The following MCPH1 variants were observed in gnomAD, a reference collection of about 807,000 sequenced individuals.
The protein encoded by MCPH1 is microcephalin 1.
Under a neutral mutation model 84.5 loss-of-function variants are expected in MCPH1, and 104 were observed. The observed-to-expected ratio is 1.23, with a 90% confidence interval of 1.05 to 1.45. MCPH1 has a LOEUF of 1.45. Among genes scored for constraint, MCPH1 ranks in the 40% most tolerant of loss-of-function variants. The probability of loss-of-function intolerance (pLI) is 0.00; values close to 1 mark genes in which losing one functional copy is unlikely to be tolerated. For missense variants in MCPH1, 1,498 were observed against 1,005.7 expected (o/e 1.49, Z -6.62); for synonymous variants, 514 against 366.8 (o/e 1.40, Z -4.58).
intron 3 of MCPH1, among the ~76,000 whole-genome samples, chr8:6,415,435 C>T (rs545355490): frequency 1.3e-5 from 2 of 152,066 alleles, no homozygotes; most frequent in Admixed American, 1.3e-4. Flanking sequence ...TTCATCTCAA[C>T]CTTTGCCTCC....
At chr8:6,477,412 A>G in intron 9 of MCPH1, 182 bp from the exon 10 acceptor site, 11 of 554,116 alleles carry the variant, frequency 2.0e-5, no homozygotes, top group Non-Finnish European at 2.2e-5. Flanking sequence ...ACAGTATCTG[A>G]GTTTCTATCT....
At chr8:6,511,898 TC>T (rs1250050007) in intron 12 of MCPH1, among the ~76,000 whole-genome samples, 3 of 120,370 alleles carry the variant, frequency 2.5e-5, no homozygotes, top group Admixed American at 7.8e-5. Context: ...TTTTTGTGCT[TC>T]TTTTTTTTTT....
At chr8:6,535,449 T>A (rs1164095315) in intron 12 of MCPH1, among the ~76,000 whole-genome samples, 2 of 152,244 alleles carry the variant, frequency 1.3e-5, no homozygotes, top group Non-Finnish European at 2.9e-5. Context: ...CTTTTTAAAT[T>A]GCTACTTTTT....
chr8:6,544,892 G>C (rs1448727719), intron 12 of MCPH1, among the ~76,000 whole-genome samples: 1 of 149,656 alleles, frequency 6.7e-6, no homozygotes, highest in Non-Finnish European at 1.5e-5. Context: ...GCTAACATCA[G>C]ATTCTTTGGT....
At chr8:6,543,420 G>A (rs1317109931) in intron 12 of MCPH1, among the ~76,000 whole-genome samples, 2 of 152,126 alleles carry the variant, frequency 1.3e-5, no homozygotes, top group Non-Finnish European at 2.9e-5. Flanking sequence ...GTAAATGGAT[G>A]CAAACACACA....
At chr8:6,476,776 C>T (rs1311083413) in intron 9 of MCPH1, among the ~76,000 whole-genome samples, 1 of 152,110 alleles carries the variant, frequency 6.6e-6, no homozygotes, top group Admixed American at 6.5e-5. Flanking sequence ...TTATACTACA[C>T]AGTTGGTTAC....
chr8:6,505,013 A>T (rs1813002310), intron 12 of MCPH1, among the ~76,000 whole-genome samples: 1 of 151,758 alleles, frequency 6.6e-6, no homozygotes. Flanking sequence ...ATTAATTTTT[A>T]AAATAGAGAA....
chr8:6,498,084 C>A (rs1049362611), intron 11 of MCPH1, among the ~76,000 whole-genome samples: 1 of 152,120 alleles, frequency 6.6e-6, no homozygotes, highest in Non-Finnish European at 1.5e-5. Flanking sequence ...AGATGCAGTT[C>A]CTATTTAAAT....
At chr8:6,408,891 C>CTT (rs112280128) in intron 1 of MCPH1, among the ~76,000 whole-genome samples, 46 of 77,212 alleles carry the variant, frequency 6.0e-4, no homozygotes, top group East Asian at 4.4e-3. Flanking sequence ...TTACTTTTTT[C>CTT]TTTTTTTTTT....
chr8:6,414,833 C>T lies in MCPH1; in HGVS notation c.183C>T (p.Asp61=), dbSNP rs1456097837. ...AAGATGGCTACCAGAGCACTTGGGA[C>T]AAAGCTCAGAAGAGAGGCGTAAAGC... The part of the protein sequence containing the change: ...IFKDGYQSTW[D]KAQKRGVKLV... Residue 61 remains aspartate, a synonymous_variant, in exon 3 of 14, where the codon GAC becomes GAT. Coordinates refer to ENST00000344683, the MANE Select transcript of MCPH1 (RefSeq NM_024596.5). 2 of 1,613,490 alleles carry T rather than the reference C, an allele frequency of 1.2e-6. No individual in the cohort carries two copies. Among genetic ancestry groups the T allele is most frequent in the Non-Finnish European group, 1.7e-6 (2 of 1,179,858 alleles).
intron 12 of MCPH1, among the ~76,000 whole-genome samples, chr8:6,607,597 C>G (rs1215187100): frequency 6.6e-6 from 1 of 152,188 alleles, no homozygotes; most frequent in African/African-American, 2.4e-5. Flanking sequence ...GTAGCTCCCT[C>G]AATTCCCATG....
At chr8:6,566,503 A>G (rs993537250) in intron 12 of MCPH1, among the ~76,000 whole-genome samples, 6 of 152,210 alleles carry the variant, frequency 3.9e-5, no homozygotes, top group African/African-American at 1.4e-4. Context: ...AAGGCCATGG[A>G]GAGTGCACAC....
At chr8:6,550,299 C>G (rs3020226) in intron 12 of MCPH1, among the ~76,000 whole-genome samples, 4,133 of 152,238 alleles carry the variant, frequency 0.027, 192 homozygotes, top group African/African-American at 0.09. Flanking sequence ...CCCGGGGCAT[C>G]TGCCTCTCCC....
rs938456518 is a variant in MCPH1, at chr8:6,504,472, T to G, written c.2214+4543T>G. Among the ~76,000 whole-genome samples, 7 of 152,278 alleles carry G rather than the reference T, an allele frequency of 4.6e-5. No individual in the cohort carries two copies. The South Asian group carries it at 1.5e-3, about 32-fold the overall frequency. On this transcript the variant is annotated intron_variant, in intron 12 of 13. Coordinates refer to ENST00000344683, the MANE Select transcript of MCPH1 (RefSeq NM_024596.5). ...ACGCTGTCTACATCCGGTCTCCTGATCACTTAGTAGCTGTCTTGGTTATTA... is the reference window on the plus strand; with the variant it reads ...ACGCTGTCTACATCCGGTCTCCTGAGCACTTAGTAGCTGTCTTGGTTATTA...
intron 12 of MCPH1, among the ~76,000 whole-genome samples, chr8:6,540,043 C>G (rs1393222004): frequency 6.6e-6 from 1 of 152,168 alleles, no homozygotes; most frequent in Non-Finnish European, 1.5e-5. Flanking sequence ...TGGTGGCATT[C>G]TAACATTAAT....
intron 13 of MCPH1, chr8:6,625,512 A>G: frequency 2.0e-6 from 2 of 984,000 alleles, no homozygotes; most frequent in Non-Finnish European, 2.4e-6. Flanking sequence ...AAAGCACCAA[A>G]TCGAAAAAGA....
chr8:6,619,557 C>T (rs1831195929), intron 12 of MCPH1, among the ~76,000 whole-genome samples: 2 of 152,136 alleles, frequency 1.3e-5, no homozygotes, highest in African/African-American at 2.4e-5. Context: ...TCCCCAAGTG[C>T]TGGGATTACA....
chr8:6,516,752 C>T (rs1026259900), intron 12 of MCPH1, among the ~76,000 whole-genome samples: 2 of 152,154 alleles, frequency 1.3e-5, no homozygotes, highest in African/African-American at 4.8e-5. Context: ...CTTGGTGAGC[C>T]TATCCTTGTT....
Position 6,445,317 on chromosome 8 carries a change from C to G in MCPH1, c.1595C>G (p.Pro532Arg). ...GGCTTTTCTTACACCATTGAGGACC[C>G]TGCTCTTCCAAAAGGACATGATGAT... ...GNGFSYTIED[P>R]ALPKGHDDDL... is the part of the protein sequence containing the mutation. Residue 532 changes from proline to arginine, a missense_variant, in exon 8 of 14, where the codon CCT (proline) becomes CGT (arginine). By Grantham distance (103) the Pro-to-Arg change is moderately radical (BLOSUM62 -2). Transcript: ENST00000344683. 1 of 1,614,234 alleles carries G rather than the reference C, an allele frequency of 6.2e-7. No homozygotes were observed. Among genetic ancestry groups the G allele is most frequent in the Non-Finnish European group, 8.5e-7 (1 of 1,180,038 alleles).
Sources: allele counts gnomAD v4.1 joint callset (sites outside exome capture counted in the v4.1 genomes callset), GRCh38; gene constraint gnomAD v4.1.1; transcripts MANE v1.5; gene names NCBI Gene and HGNC (gene_info 2026-07-23, HGNC 2026-07-21).